GPC3: variants seen among roughly 807,000 people sequenced by gnomAD.
The protein encoded by GPC3 is glypican-3.
GPC3 carries 3 observed loss-of-function variants against 34.4 expected under a neutral mutation model. That is an observed-to-expected ratio of 0.09 (90% CI 0.04 to 0.23). GPC3 has a LOEUF of 0.23. Among genes scored for constraint, GPC3 ranks in the 10% least tolerant of loss-of-function variants. The pLI, the probability that GPC3 is intolerant of heterozygous loss-of-function variation, is 1.00. For synonymous variants in GPC3, 177 were observed against 174.0 expected (o/e 1.02, Z -0.13); for missense variants, 351 against 445.6 (o/e 0.79, Z 1.91).
intron 6 of GPC3, among the ~76,000 whole-genome samples, chrX:133,627,877 T>C (rs2070323030): frequency 8.9e-6 from 1 of 112,269 alleles, no homozygotes; most frequent in African/African-American, 3.2e-5. Flanking sequence ...GCTAAGGCTA[T>C]AGGAATATAA....
chrX:133,656,636 G>T (rs2070667985), intron 6 of GPC3, among the ~76,000 whole-genome samples: 1 of 111,901 alleles, frequency 8.9e-6, no homozygotes, highest in Non-Finnish European at 1.9e-5. Context: ...TCGAAAACAG[G>T]TCACCTATCT....
At chrX:133,899,162 A>G (rs2076133307) in intron 2 of GPC3, among the ~76,000 whole-genome samples, 1 of 112,320 alleles carries the variant, frequency 8.9e-6, no homozygotes, top group Non-Finnish European at 1.9e-5. Context: ...TATTTCTTAC[A>G]TTTGTTTGTC....
intron 2 of GPC3, among the ~76,000 whole-genome samples, chrX:133,806,638 T>A (rs2075637311): frequency 9.3e-6 from 1 of 108,084 alleles, no homozygotes; most frequent in African/African-American, 3.5e-5. Context: ...TGTTTTATTT[T>A]ATTTATTTAT....
intron 7 of GPC3, among the ~76,000 whole-genome samples, chrX:133,559,921 G>A (rs1345471571): frequency 9.0e-6 from 1 of 111,123 alleles, no homozygotes; most frequent in Non-Finnish European, 1.9e-5. Flanking sequence ...CTCTGCTCCT[G>A]TCTCTTTCTC....
At chrX:133,621,121 G>A (rs1037504083) in intron 6 of GPC3, among the ~76,000 whole-genome samples, 3 of 110,627 alleles carry the variant, frequency 2.7e-5, no homozygotes, top group Non-Finnish European at 5.7e-5. Flanking sequence ...AGTTCTGTAT[G>A]ATAAGGGCCT....
At chrX:133,682,443 C>T (rs769236306) in intron 5 of GPC3, among the ~76,000 whole-genome samples, 5 of 111,542 alleles carry the variant, frequency 4.5e-5, no homozygotes, top group Non-Finnish European at 9.4e-5. Context: ...ATGGCCCACA[C>T]CTCTTCACCT....
chrX:133,614,606 A>G (rs999895051), intron 6 of GPC3, among the ~76,000 whole-genome samples: 1 of 111,875 alleles, frequency 8.9e-6, no homozygotes, highest in Non-Finnish European at 1.9e-5. Flanking sequence ...GAAATGTTAA[A>G]AAGAGTCTTT....
At chrX:133,954,738 C>CTTTTTTTT (rs1166218378) in intron 1 of GPC3, among the ~76,000 whole-genome samples, 4 of 53,785 alleles carry the variant, frequency 7.4e-5, no homozygotes, top group African/African-American at 7.7e-5. Context: ...CAAACTTTCT[C>CTTTTTTTT]TTTTTTTTTT....
In GPC3 at chrX:133,637,588, T is replaced by C. The variant is rs1297686142; in HGVS notation, c.1413+24142A>G. ...TTGCATAATGTTGTCCAGAAGAAAATTCTATTGGGGACAACATTAATTCAC... is the reference window on the plus strand; with the variant it reads ...TTGCATAATGTTGTCCAGAAGAAAACTCTATTGGGGACAACATTAATTCAC... On this transcript the variant is annotated intron_variant, in intron 6 of 7. Coordinates refer to ENST00000370818, the MANE Select transcript of GPC3 (RefSeq NM_004484.4). Among the ~76,000 whole-genome samples the C allele has an allele frequency of 2.7e-5, 3 of 111,261 alleles. No homozygotes were observed. The Admixed American group carries it at 2.9e-4, about 11-fold the overall frequency.
intron 6 of GPC3, among the ~76,000 whole-genome samples, chrX:133,612,579 T>G (rs138902551): frequency 8.0e-4 from 89 of 111,648 alleles, no homozygotes; most frequent in African/African-American, 2.7e-3. Context: ...AAATGGCCCT[T>G]GAATGCTCAA....
chrX:133,873,268 G>A (rs1264629729), intron 2 of GPC3, among the ~76,000 whole-genome samples: 1 of 111,809 alleles, frequency 8.9e-6, no homozygotes. Flanking sequence ...ATTAAAAATG[G>A]TGCCAGGCAT....
chrX:133,809,793 C>T (rs990035768), intron 2 of GPC3, among the ~76,000 whole-genome samples: 2 of 111,548 alleles, frequency 1.8e-5, no homozygotes, highest in African/African-American at 3.3e-5. Flanking sequence ...TTTTATTCTG[C>T]GAGTCCTTGT....
At chrX:133,849,079 A>T (rs1488398196) in intron 2 of GPC3, among the ~76,000 whole-genome samples, 1 of 100,078 alleles carries the variant, frequency 1.0e-5, no homozygotes, top group Non-Finnish European at 2.0e-5. Flanking sequence ...GGAAAACTAA[A>T]GTTTCTTTTT....
intron 2 of GPC3, among the ~76,000 whole-genome samples, chrX:133,796,069 C>G (rs2075578999): frequency 9.3e-6 from 1 of 107,546 alleles, no homozygotes; most frequent in Non-Finnish European, 1.9e-5. Context: ...CCTCAGCCTG[C>G]CGAGTAGCTG....
chrX:133,687,076 C>T (rs540568965), intron 5 of GPC3, among the ~76,000 whole-genome samples: 2 of 103,938 alleles, frequency 1.9e-5, no homozygotes, highest in South Asian at 9.3e-4. Context: ...CGGGCACCTG[C>T]CACCATGGCC....
intron 2 of GPC3, among the ~76,000 whole-genome samples, chrX:133,785,312 G>A (rs1192004631): frequency 9.0e-6 from 1 of 111,175 alleles, no homozygotes; most frequent in Admixed American, 9.6e-5. Flanking sequence ...GTAGACTAGA[G>A]TGTCAGGTAA....
chrX:133,589,344 C>G (rs918864879), intron 7 of GPC3, among the ~76,000 whole-genome samples: 4 of 111,084 alleles, frequency 3.6e-5, no homozygotes, highest in African/African-American at 9.8e-5. Flanking sequence ...GTGAATAAGT[C>G]TCATGAGATC....
chrX:133,749,948 C>T (rs895292962), intron 3 of GPC3, among the ~76,000 whole-genome samples: 4 of 111,318 alleles, frequency 3.6e-5, no homozygotes, highest in Non-Finnish European at 7.5e-5. Context: ...TGGGTTGGAT[C>T]ACATCTGGCC....
chrX:133,714,055 AC>A (rs1184030725), intron 3 of GPC3, among the ~76,000 whole-genome samples: 2 of 112,245 alleles, frequency 1.8e-5, no homozygotes, highest in Non-Finnish European at 3.8e-5. Flanking sequence ...GTCAATTGAT[AC>A]GTTTGCAGCT....
Sources: allele counts gnomAD v4.1 joint callset (sites outside exome capture counted in the v4.1 genomes callset), GRCh38; gene constraint gnomAD v4.1.1; transcripts MANE v1.5; gene names NCBI Gene and HGNC (gene_info 2026-07-23, HGNC 2026-07-21).